ADAM12: variants seen among roughly 807,000 people sequenced by gnomAD.
ADAM12 encodes disintegrin and metalloproteinase domain-containing protein 12.
In ADAM12, 70 loss-of-function variants were observed where a neutral mutation model predicts 106.4. The observed-to-expected ratio is 0.66, with a 90% CI of 0.54 to 0.80. The LOEUF (loss-of-function observed/expected upper bound fraction) is 0.80. ADAM12 is among the 30% of genes least tolerant of loss of function. The probability of loss-of-function intolerance (pLI) is 0.00; values close to 1 mark genes in which losing one functional copy is unlikely to be tolerated. For synonymous variants in ADAM12, 420 were observed against 433.5 expected, an observed-to-expected ratio of 0.97 and a Z score of 0.39; for missense variants, 1,010 against 1,171.9, an observed-to-expected ratio of 0.86 and a Z score of 2.02.
At chr10:126,365,217 T>C (rs1855868745) in intron 1 of ADAM12, among the ~76,000 whole-genome samples, 1 of 152,220 alleles carries the variant, frequency 6.6e-6, no homozygotes, top group Admixed American at 6.5e-5. Context: ...TGATCATTTG[T>C]TCTCTAACAT....
intron 3 of ADAM12, among the ~76,000 whole-genome samples, chr10:126,167,289 T>C (rs532677206): frequency 6.6e-6 from 1 of 152,364 alleles, no homozygotes; most frequent in East Asian, 1.9e-4. Flanking sequence ...GCTGGCACTG[T>C]GTAGGCATTT....
chr10:126,068,892 A>G (rs544562881), intron 12 of ADAM12, among the ~76,000 whole-genome samples: 1 of 152,358 alleles, frequency 6.6e-6, no homozygotes, highest in Admixed American at 6.5e-5. Context: ...CTTAATCACA[A>G]TGAACTGGGA....
chr10:126,352,939 A>T (rs1855412215), intron 1 of ADAM12, among the ~76,000 whole-genome samples: 1 of 152,226 alleles, frequency 6.6e-6, no homozygotes, highest in African/African-American at 2.4e-5. Flanking sequence ...CAGAGACCCT[A>T]GCCTTTGAAA....
At chr10:126,251,861 C>T (rs934728247) in intron 3 of ADAM12, among the ~76,000 whole-genome samples, 18 of 2,736 alleles carry the variant, frequency 6.6e-3, no homozygotes, top group African/African-American at 0.024. Context: ...ATGGATAGGA[C>T]AGATGGATGG....
At chr10:126,341,186 A>C (rs1457546774) in intron 1 of ADAM12, among the ~76,000 whole-genome samples, 2 of 152,226 alleles carry the variant, frequency 1.3e-5, no homozygotes, top group Non-Finnish European at 2.9e-5. Context: ...GTCATCCTTT[A>C]TCCCGCCTAC....
At chr10:126,305,912 GCA>G (rs1022571846) in intron 2 of ADAM12, among the ~76,000 whole-genome samples, 2 of 151,794 alleles carry the variant, frequency 1.3e-5, no homozygotes, top group African/African-American at 4.8e-5. Context: ...TGCTTGCATG[GCA>G]TATATATTTT....
intron 2 of ADAM12, among the ~76,000 whole-genome samples, chr10:126,319,153 T>G (rs1048316950): frequency 6.6e-6 from 1 of 151,982 alleles, no homozygotes; most frequent in Non-Finnish European, 1.5e-5. Context: ...AAAACATAAA[T>G]AGGGAGCACA....
chr10:126,382,986 C>T (rs12255397), intron 1 of ADAM12, among the ~76,000 whole-genome samples: 72 of 152,142 alleles, frequency 4.7e-4, no homozygotes, highest in African/African-American at 1.4e-3. Flanking sequence ...ATTCTGTCAC[C>T]GAGGCTGGAG....
chr10:126,356,463 C>T (rs553377980), intron 1 of ADAM12, among the ~76,000 whole-genome samples: 23 of 152,280 alleles, frequency 1.5e-4, no homozygotes, highest in African/African-American at 3.9e-4. Context: ...TTGGCCCATC[C>T]GGAATCACAG....
chr10:126,058,740 C>T (rs925578843), intron 14 of ADAM12, among the ~76,000 whole-genome samples: 3 of 152,182 alleles, frequency 2.0e-5, no homozygotes, highest in African/African-American at 4.8e-5. Flanking sequence ...GAGTGCTTCC[C>T]GTGGCTTTTG....
chr10:126,264,385 G>A (rs149797825), intron 3 of ADAM12, among the ~76,000 whole-genome samples: 135 of 152,244 alleles, frequency 8.9e-4, no homozygotes, highest in African/African-American at 3.1e-3. Flanking sequence ...TAAATAAATC[G>A]TCTCCCCAGA....
intron 1 of ADAM12, among the ~76,000 whole-genome samples, chr10:126,340,580 C>T (rs1854887792): frequency 6.6e-6 from 1 of 152,202 alleles, no homozygotes; most frequent in Non-Finnish European, 1.5e-5. Flanking sequence ...ATTAGGAAAA[C>T]TTGGAGTATG....
chr10:126,093,687 A>G (rs1306548759), intron 11 of ADAM12, among the ~76,000 whole-genome samples: 1 of 152,234 alleles, frequency 6.6e-6, no homozygotes, highest in Non-Finnish European at 1.5e-5. Context: ...AATAAAAAAC[A>G]CTTGCTGGGA....
Position 126,222,061 on chromosome 10 carries a change from C to T in ADAM12, c.260+56854G>A, listed in dbSNP as rs550562922. Among the ~76,000 whole-genome samples the T allele has an allele frequency of 7.9e-5, 12 of 152,252 alleles. No individual in the cohort carries two copies. In the East Asian group the frequency reaches 2.3e-3, roughly 29 times the overall value. On this transcript the variant is annotated intron_variant, in intron 3 of 22. Coordinates refer to ENST00000448723, the MANE Select transcript of ADAM12 (RefSeq NM_001288973.2). Reference sequence around the variant, plus strand: ...AGGTCCTCAGCAGCTGAGTTTGGCCCACTTTGAACTATGATGCTACCTACA... The same window carrying T: ...AGGTCCTCAGCAGCTGAGTTTGGCCTACTTTGAACTATGATGCTACCTACA...
At chr10:126,239,341 C>G (rs575056796) in intron 3 of ADAM12, among the ~76,000 whole-genome samples, 1 of 152,286 alleles carries the variant, frequency 6.6e-6, no homozygotes, top group South Asian at 2.1e-4. Flanking sequence ...CATAGAATAT[C>G]AAGAAGGCAT....
chr10:126,173,952 C>A (rs939995824), intron 3 of ADAM12, among the ~76,000 whole-genome samples: 2 of 147,914 alleles, frequency 1.4e-5, no homozygotes, highest in Non-Finnish European at 3.0e-5. Context: ...AAATAAAAAT[C>A]ATACAAACAA....
chr10:126,039,512 A>G, intron 18 of ADAM12, 83 bp from the exon 19 acceptor site: 1 of 1,548,922 alleles, frequency 6.5e-7, no homozygotes, highest in Non-Finnish European at 8.9e-7. Flanking sequence ...TTTATGGCAA[A>G]GTGAACTCTG....
At chr10:126,256,190 A>G (rs1958889220) in intron 3 of ADAM12, among the ~76,000 whole-genome samples, 1 of 152,194 alleles carries the variant, frequency 6.6e-6, no homozygotes, top group Non-Finnish European at 1.5e-5. Context: ...GTCCAAGCAG[A>G]ACGAAAGCCA....
chr10:126,042,987 C>T (rs948237393), intron 18 of ADAM12, 53 bp downstream of exon 18: 4 of 1,564,622 alleles, frequency 2.6e-6, no homozygotes, highest in Non-Finnish European at 2.6e-6. Flanking sequence ...GGCGAGCCCA[C>T]CCGCCCCCAG....
Sources: gnomAD v4.1 joint callset for allele counts (sites outside exome capture counted in the v4.1 genomes callset) on GRCh38, gnomAD v4.1.1 for gene constraint, MANE v1.5 for transcripts, NCBI Gene and HGNC (gene_info 2026-07-23, HGNC 2026-07-21) for gene names.